KL: variants seen among roughly 807,000 people sequenced by gnomAD.
KL encodes alpha-klotho.
Under a neutral mutation model 84.2 loss-of-function variants are expected in KL, and 62 were observed. The observed-to-expected ratio is 0.74, with a 90% CI of 0.60 to 0.91. The LOEUF (loss-of-function observed/expected upper bound fraction) is 0.91. KL is among the 40% of genes least tolerant of loss of function. The pLI is 0.00. For missense variants in KL, 1,261 were observed against 1,305.7 expected, an observed-to-expected ratio of 0.97 and a Z score of 0.53; for synonymous variants, 528 against 528.0, an observed-to-expected ratio of 1.00 and a Z score of 0.00.
At chr13:33,042,554 T>C (rs1871374540) in intron 1 of KL, among the ~76,000 whole-genome samples, 1 of 152,126 alleles carries the variant, frequency 6.6e-6, no homozygotes, top group Non-Finnish European at 1.5e-5. Flanking sequence ...CCTAGAAGAG[T>C]AGTTCACTCT....
At chr13:33,045,631 C>A (rs1219064854) in intron 1 of KL, among the ~76,000 whole-genome samples, 2 of 152,076 alleles carry the variant, frequency 1.3e-5, no homozygotes, top group Non-Finnish European at 2.9e-5. Context: ...CAGGTGCCTG[C>A]CACCACACCG....
At chr13:33,038,977 CAGA>C (rs1387697074) in intron 1 of KL, among the ~76,000 whole-genome samples, 2 of 152,094 alleles carry the variant, frequency 1.3e-5, no homozygotes, top group Non-Finnish European at 2.9e-5. Flanking sequence ...ATCAGAGAAG[CAGA>C]AGAACATAAT....
chr13:33,019,732 T>TGTGAGAGAGA (rs139721497), intron 1 of KL, among the ~76,000 whole-genome samples: 13 of 133,368 alleles, frequency 9.7e-5, no homozygotes, highest in African/African-American at 2.1e-4. Context: ...TGTGTGTGTG[T>TGTGAGAGAGA]GAGAGAGAGA....
chr13:33,028,224 T>C (rs1251480889), intron 1 of KL, among the ~76,000 whole-genome samples: 3 of 152,230 alleles, frequency 2.0e-5, no homozygotes, highest in Non-Finnish European at 4.4e-5. Flanking sequence ...TAGCAACTGA[T>C]GGCCTCAGTC....
intron 3 of KL, among the ~76,000 whole-genome samples, chr13:33,056,177 G>A (rs1234111274): frequency 2.6e-5 from 4 of 152,174 alleles, no homozygotes; most frequent in African/African-American, 9.7e-5. Context: ...TAACAAGGGC[G>A]GGGCTGGGGG....
intron 1 of KL, among the ~76,000 whole-genome samples, chr13:33,031,529 T>A (rs1870972591): frequency 6.6e-6 from 1 of 152,194 alleles, no homozygotes; most frequent in Non-Finnish European, 1.5e-5. Flanking sequence ...AAGGGAAATG[T>A]TATAGTGCCC....
intron 2 of KL, among the ~76,000 whole-genome samples, 163 bp downstream of exon 2, chr13:33,054,440 A>G (rs575935298): frequency 6.3e-4 from 96 of 152,330 alleles, no homozygotes; most frequent in African/African-American, 2.0e-3. Context: ...TCTCATTTGG[A>G]GTCTTGAGGA....
chr13:33,041,267 C>T (rs1001983181), intron 1 of KL, among the ~76,000 whole-genome samples: 5 of 151,978 alleles, frequency 3.3e-5, no homozygotes, highest in African/African-American at 1.2e-4. Flanking sequence ...AGTAATATTC[C>T]ATTGTATTAA....
At position 33,054,277 on chromosome 13, in the gene KL, G is replaced by A; in HGVS notation, c.1330G>A (p.Ala444Thr). ...AAAGTTCATCATGGAAACCTTAAAA[G>A]GTATGATTGTGGGTAAAGTTCTCAT... The part of the protein sequence containing the change: ...LKKFIMETLK[A>T]IKLDGVDVIG... Residue 444 changes from alanine to threonine, a missense_variant and splice_region_variant, in exon 2 of 5, where the codon GCC (alanine) becomes ACC (threonine). Ala to Thr is a moderately conservative substitution (Grantham distance 58, BLOSUM62 0). Coordinates refer to ENST00000380099, the MANE Select transcript of KL (RefSeq NM_004795.4). The A allele has an allele frequency of 6.2e-7, 1 of 1,612,604 alleles. No individual in the cohort carries two copies. The highest frequency in any genetic ancestry group is 1.1e-5 in the South Asian group (1 of 90,972).
chr13:33,034,388 G>A (rs958369522), intron 1 of KL, among the ~76,000 whole-genome samples: 4 of 152,134 alleles, frequency 2.6e-5, no homozygotes, highest in Non-Finnish European at 5.9e-5. Flanking sequence ...TTCTGTAAGG[G>A]TAGTTTTTAA....
intron 2 of KL, among the ~76,000 whole-genome samples, chr13:33,054,651 C>A (rs541104904): frequency 6.6e-6 from 1 of 152,194 alleles, no homozygotes; most frequent in East Asian, 1.9e-4. Flanking sequence ...AAAGGAATGT[C>A]CATGTTTTCT....
At chr13:33,053,544 C>T (rs1461564483) in intron 1 of KL, among the ~76,000 whole-genome samples, 2 of 152,194 alleles carry the variant, frequency 1.3e-5, no homozygotes, top group Non-Finnish European at 2.9e-5. Flanking sequence ...CATTTTTCCA[C>T]TGACTGCTAA....
intron 1 of KL, among the ~76,000 whole-genome samples, chr13:33,020,825 C>A (rs1298081724): frequency 6.6e-6 from 1 of 152,170 alleles, no homozygotes; most frequent in Admixed American, 6.5e-5. Context: ...TTGCCCCCTG[C>A]AGTGTGCCAT....
rs544351108 is a variant in KL at position 33,017,154 on chromosome 13, C to T, written c.714C>T (p.Asp238=). 3.0e-5 allele frequency: 48 copies of T among 1,601,772 alleles called. No homozygotes were observed. In the East Asian group the frequency reaches 8.7e-4, roughly 29 times the overall value. ...GGQVKYWITI[D]NPYVVAWHGY... is the part of the protein sequence containing the mutation. ...AGGTCAAGTACTGGATCACCATCGACAACCCCTACGTGGTGGCCTGGCACG... is the reference window on the plus strand; with the variant it reads ...AGGTCAAGTACTGGATCACCATCGATAACCCCTACGTGGTGGCCTGGCACG... Residue 238 remains aspartate, a synonymous_variant, in exon 1 of 5, where the codon GAC becomes GAT. Coordinates refer to ENST00000380099, the MANE Select transcript of KL (RefSeq NM_004795.4).
intron 1 of KL, among the ~76,000 whole-genome samples, chr13:33,046,761 A>G (rs1436283374): frequency 7.5e-6 from 1 of 133,468 alleles, no homozygotes; most frequent in Non-Finnish European, 1.6e-5. Context: ...TTTTTTTTTG[A>G]TGTAGGTATT....
intron 4 of KL, among the ~76,000 whole-genome samples, chr13:33,063,270 T>C (rs1168889573): frequency 1.3e-5 from 2 of 150,332 alleles, no homozygotes. Flanking sequence ...AAAAAACACA[T>C]ACACACACGA....
chr13:33,027,293 GC>G (rs1870813505), intron 1 of KL, among the ~76,000 whole-genome samples: 1 of 152,186 alleles, frequency 6.6e-6, no homozygotes, highest in African/African-American at 2.4e-5. Flanking sequence ...TGCACCTGTT[GC>G]TTTTTAGGGA....
chr13:33,065,064 T>G lies in KL; in HGVS notation c.*878T>G, dbSNP rs1487404235. On this transcript the variant is annotated 3_prime_UTR_variant, in exon 5 of 5. Coordinates refer to ENST00000380099, the MANE Select transcript of KL (RefSeq NM_004795.4). The stretch of plus-strand genomic sequence containing the variant: ...TGTGCAACATTATGATTAATCTGAT[T>G]ATACACCATTTTTGAGCAGATCTTG... 4.4e-6 allele frequency: 1 copy of G among 228,124 alleles called. No individual in the cohort carries two copies. The highest frequency in any genetic ancestry group is 8.7e-6 in the Non-Finnish European group (1 of 114,802). The allele number at this position is 228,124 out of a possible 1,614,324, so 14.1% of individuals were successfully genotyped here. A position where few individuals can be genotyped will look rare whatever the true frequency, so the allele number is the denominator to read the frequency against.
rs951923644 is a variant in KL at position 33,065,941 on chromosome 13, C to T, written c.*1755C>T. ...GATTTTTAATAGTTGTTGAGTATTC[C>T]ACCACAGGAATGTATCACAACTTAA... On this transcript the variant is annotated 3_prime_UTR_variant, in exon 5 of 5. Transcript: ENST00000380099. 4 of 176,292 alleles carry T rather than the reference C, an allele frequency of 2.3e-5. No homozygotes were observed. The highest frequency in any genetic ancestry group is 6.3e-5 in the Admixed American group (1 of 15,782). The allele number at this position is 176,292 out of a possible 1,614,324, so 10.9% of individuals were successfully genotyped here.
Sources: allele counts gnomAD v4.1 joint callset (sites outside exome capture counted in the v4.1 genomes callset), GRCh38; gene constraint gnomAD v4.1.1; transcripts MANE v1.5; gene names NCBI Gene and HGNC (gene_info 2026-07-23, HGNC 2026-07-21).